The following SEPTIN9 variants were observed in gnomAD, a reference collection of about 807,000 sequenced individuals.
SEPTIN9 encodes the protein septin-9.
A neutral mutation model predicts 56.6 loss-of-function variants in SEPTIN9; 13 were observed. That is an observed-to-expected ratio of 0.23 (90% CI 0.15 to 0.37). The LOEUF (loss-of-function observed/expected upper bound fraction) is 0.37. SEPTIN9 is among the 10% of genes least tolerant of loss of function. The probability of loss-of-function intolerance (pLI) is 1.00; values close to 1 mark genes in which losing one functional copy is unlikely to be tolerated. For synonymous variants in SEPTIN9, 332 were observed against 334.1 expected, an observed-to-expected ratio of 0.99 and a Z score of 0.07; for missense variants, 650 against 823.1, an observed-to-expected ratio of 0.79 and a Z score of 2.57.
chr17:77,482,700 GGCTCCCCACC>G, intron 4 of SEPTIN9: 1 of 586,800 alleles, frequency 1.7e-6, no homozygotes, highest in South Asian at 2.0e-5. Context: ...TGGCCCTCCA[GGCTCCCCACC>G]GCACCCCACC....
In SEPTIN9 at chr17:77,344,654, C is replaced by A. The variant is rs1478905555; in HGVS notation, c.76+37457C>A. On this transcript the variant is annotated intron_variant, in intron 2 of 11. Transcript: ENST00000427177. ...ACAGACAAAATGTGGTCCATCTGTACAGTGGAATATTATTCTGCCTTAAAA... is the reference window on the plus strand; with the variant it reads ...ACAGACAAAATGTGGTCCATCTGTAAAGTGGAATATTATTCTGCCTTAAAA... Among the ~76,000 whole-genome samples, 68 of 152,226 alleles carry A rather than the reference C, an allele frequency of 4.5e-4. 1 individual carries two copies. The highest frequency in any genetic ancestry group is 1.5e-5 in the Non-Finnish European group (1 of 68,006).
At chr17:77,442,208 T>G (rs925390120) in intron 3 of SEPTIN9, 1 of 151,704 alleles carries the variant, frequency 6.6e-6, no homozygotes, top group Non-Finnish European at 1.5e-5. Flanking sequence ...ACTTGTTTTG[T>G]TTTTTTTGAG....
rs558208096 is a variant in SEPTIN9, at chr17:77,435,083, C to T, written c.721+32380C>T. Among the ~76,000 whole-genome samples, 19 of 152,276 alleles carry T rather than the reference C, an allele frequency of 1.2e-4. No individual in the cohort carries two copies. The highest frequency in any genetic ancestry group is 4.6e-4 in the African/African-American group (19 of 41,560). On this transcript the variant is annotated intron_variant, in intron 3 of 11. Transcript: ENST00000427177. This position sits in a 1 kb window ranked among gnomAD's most constrained non-coding sequence, Gnocchi z 4.5. ...TGGAGTAAGTATCCCCTTTAATCCT[C>T]CCAACAACACTGTGAAATTGATTCT...
At chr17:77,438,227 C>A (rs1211105188) in intron 3 of SEPTIN9, among the ~76,000 whole-genome samples, 1 of 152,224 alleles carries the variant, frequency 6.6e-6, no homozygotes, top group South Asian at 2.1e-4. Context: ...CCTCACTCTG[C>A]GCTGACAGCC....
At position 77,320,333 on chromosome 17, in the gene SEPTIN9, A is replaced by G. The variant is rs1401399672; in HGVS notation, c.76+13136A>G. On this transcript the variant is annotated intron_variant, in intron 2 of 11. Transcript: ENST00000427177. ...GCTAAATATATCCGTAGGAATGGAGAGGGACCGGATCTCAGGTACGCAGAC... is the reference window on the plus strand; with the variant it reads ...GCTAAATATATCCGTAGGAATGGAGGGGGACCGGATCTCAGGTACGCAGAC... 4 of 1,612,956 alleles carry G rather than the reference A, an allele frequency of 2.5e-6. No homozygotes were observed. The highest frequency in any genetic ancestry group is 3.4e-6 in the Non-Finnish European group (4 of 1,179,860).
rs1598360522 is a variant in SEPTIN9 at position 77,429,721 on chromosome 17, T to G, written c.721+27018T>G. ...GGGAGGCCCTGCTGGCTGGGCCTGG[T>G]TTTCAAGTGAGCATCCTGAGCTGCG... On this transcript the variant is annotated intron_variant, in intron 3 of 11. Transcript: ENST00000427177. The surrounding 1 kb of genome is among the most constrained non-coding windows in gnomAD (Gnocchi z 5.2). 6.6e-6 allele frequency among the ~76,000 whole-genome samples: 1 copy of G among 151,598 alleles called. No homozygotes were observed. Among genetic ancestry groups the G allele is most frequent in the African/African-American group, 2.4e-5 (1 of 41,196 alleles).
chr17:77,320,897 G>A (rs1030097771), intron 2 of SEPTIN9, among the ~76,000 whole-genome samples: 2 of 152,260 alleles, frequency 1.3e-5, no homozygotes, highest in Non-Finnish European at 2.9e-5. Flanking sequence ...GTGTGCATGT[G>A]TGTGCGTGTG....
intron 3 of SEPTIN9, among the ~76,000 whole-genome samples, chr17:77,455,068 T>C (rs2038140073): frequency 1.3e-5 from 2 of 151,646 alleles, no homozygotes; most frequent in African/African-American, 4.8e-5. Flanking sequence ...TTTCCCTCCC[T>C]TTTCCCTATA....
At chr17:77,439,458 G>A (rs2037467248) in intron 3 of SEPTIN9, among the ~76,000 whole-genome samples, 1 of 152,178 alleles carries the variant, frequency 6.6e-6, no homozygotes. Flanking sequence ...TGCCCCCGTG[G>A]CGTCCTGCAG....
chr17:77,497,035 C>T (rs1056059981), intron 10 of SEPTIN9: 2 of 530,020 alleles, frequency 3.8e-6, no homozygotes, highest in Non-Finnish European at 6.8e-6. Context: ...GGCCTGGTCA[C>T]TGTGCCATCT....
chr17:77,388,381 C>T (rs1217509406), intron 2 of SEPTIN9, among the ~76,000 whole-genome samples: 1 of 152,186 alleles, frequency 6.6e-6, no homozygotes, highest in African/African-American at 2.4e-5. Flanking sequence ...CCCACCACCC[C>T]CTTTTACCTG....
chr17:77,409,520 C>T (rs531616101), intron 3 of SEPTIN9, among the ~76,000 whole-genome samples: 2 of 152,278 alleles, frequency 1.3e-5, no homozygotes, highest in East Asian at 1.9e-4. Flanking sequence ...AAGGGTGGGG[C>T]CAGGAGGCAG....
intron 1 of SEPTIN9, among the ~76,000 whole-genome samples, chr17:77,288,945 T>C (rs1235315999): frequency 6.6e-6 from 1 of 152,248 alleles, no homozygotes; most frequent in Non-Finnish European, 1.5e-5. Flanking sequence ...GTTGGCATCA[T>C]GTTGCCTCCA....
chr17:77,424,592 C>T (rs981698266), intron 3 of SEPTIN9, among the ~76,000 whole-genome samples: 2 of 152,212 alleles, frequency 1.3e-5, no homozygotes, highest in Admixed American at 1.3e-4. Context: ...GGACTCTGTT[C>T]CTGTGAGGGC....
At position 77,451,843 on chromosome 17, in the gene SEPTIN9, C is replaced by A. The variant is rs746452057; in HGVS notation, c.722-30301C>A. Among the ~76,000 whole-genome samples, 9 of 152,250 alleles carry A rather than the reference C, an allele frequency of 5.9e-5. No homozygotes were observed. Among genetic ancestry groups the A allele is most frequent in the Non-Finnish European group, 1.2e-4 (8 of 68,042 alleles). On this transcript the variant is annotated intron_variant, in intron 3 of 11. Transcript: ENST00000427177. The surrounding 1 kb of genome is among the most constrained non-coding windows in gnomAD (Gnocchi z 4.2). ...TAAGTTCTCCTGCTGCCCGGAGCTT[C>A]TTGGAACATGTTTCCTTTTCGCAAG...
chr17:77,320,386 C>T (rs754631815), intron 2 of SEPTIN9: 1 of 1,565,396 alleles, frequency 6.4e-7, no homozygotes, highest in Admixed American at 1.7e-5. Context: ...CCGCCCCCCA[C>T]TGCCCTGGAC....
intron 3 of SEPTIN9, among the ~76,000 whole-genome samples, chr17:77,415,650 A>G (rs1393553807): frequency 2.6e-5 from 4 of 151,638 alleles, no homozygotes; most frequent in African/African-American, 4.8e-5. Flanking sequence ...AAAAAGAAAA[A>G]AAAAGAAATC....
chr17:77,306,656 G>A (rs537437834), intron 1 of SEPTIN9, among the ~76,000 whole-genome samples: 2 of 152,372 alleles, frequency 1.3e-5, no homozygotes, highest in Admixed American at 6.5e-5. Context: ...GAAGGGGGCT[G>A]GGTCAGGACT....
At chr17:77,401,925 T>C (rs1208949681) in intron 2 of SEPTIN9, 134 bp from the exon 3 acceptor site, 2 of 834,524 alleles carry the variant, frequency 2.4e-6, no homozygotes, top group Non-Finnish European at 3.7e-6. Context: ...TGCTGAGACA[T>C]GAAGGACGGG....
Sources: allele counts gnomAD v4.1 joint callset (sites outside exome capture counted in the v4.1 genomes callset), GRCh38; gene constraint gnomAD v4.1.1; non-coding constraint Gnocchi (gnomAD v3.1); transcripts MANE v1.5; gene names NCBI Gene and HGNC (gene_info 2026-07-23, HGNC 2026-07-21).